Variants in NLRP2 observed in about 807,000 individuals in gnomAD.
NLRP2 encodes NACHT, LRR and PYD domains-containing protein 2.
Under a neutral mutation model 97.2 loss-of-function variants are expected in NLRP2, and 107 were observed. The ratio of observed to expected loss-of-function variants is 1.10; its 90% CI spans 0.94 to 1.29. The LOEUF is 1.29. Among genes scored for constraint, NLRP2 ranks in the 50% most tolerant of loss-of-function variants. NLRP2 has a pLI of 0.00. For missense variants in NLRP2, 1,495 were observed against 1,330.3 expected (o/e 1.12, Z -1.93); for synonymous variants, 663 against 551.5 (o/e 1.20, Z -2.83).
chr19:54,982,662 C>T lies in NLRP2; in HGVS notation c.964C>T (p.Leu322=), dbSNP rs139921503. Residue 322 remains leucine (L), a synonymous_variant, in exon 6 of 13, where the codon CTG becomes TTG. Coordinates refer to ENST00000448584, the MANE Select transcript of NLRP2 (RefSeq NM_017852.5). ...GGTGCCCGTCCTCCTGGGGAGTTTG[C>T]TGAACAGGGTGATGTTACCCAAGGC... ...KPVPVLLGSL[L]NRVMLPKAAL... 3 of 1,614,128 alleles carry T rather than the reference C, an allele frequency of 1.9e-6. No homozygotes were observed. The highest frequency in any genetic ancestry group is 3.3e-5 in the Admixed American group (2 of 60,016).
intron 3 of NLRP2, among the ~76,000 whole-genome samples, chr19:54,976,062 T>G (rs2071212065): frequency 6.6e-6 from 1 of 151,930 alleles, no homozygotes; most frequent in Admixed American, 6.6e-5. Flanking sequence ...AAGACTTTTT[T>G]TTTTTGGACA....
Position 54,997,357 on chromosome 19 carries a change from C to G in NLRP2, c.2920C>G (p.Leu974Val), listed in dbSNP as rs61735074. 4,097 of 1,614,090 alleles carry G rather than the reference C, an allele frequency of 2.5e-3. 96 individuals are homozygous for G. The African/African-American group carries it at 0.047, about 19-fold the overall frequency. Reference protein sequence around the residue: ...CSIPPFSCEDLCSALSCNQSL... With the variant: ...CSIPPFSCEDVCSALSCNQSL... ...CATCCCTCCGTTCAGTTGTGAAGAC[C>G]TCTGCTCTGCCCTCAGCTGCAACCA... The change falls in exon 12 of 13, where the codon CTC (leucine) becomes GTC (valine). Residue 974 changes from leucine to valine, a missense_variant. Physicochemically the swap from Leu to Val is conservative, Grantham distance 32. Coordinates refer to ENST00000448584, the MANE Select transcript of NLRP2 (RefSeq NM_017852.5).
Position 54,973,344 on chromosome 19 carries a change from G to GTTTTT in NLRP2, c.281-1141_281-1137dup, listed in dbSNP as rs10673643. ...TTCCTGTCTTTAACAATGGGTGAGG[G>GTTTTT]TTTTTTTTTTTTTTTTTTTGGTTTG... On this transcript the variant is annotated intron_variant, in intron 2 of 12. Transcript: ENST00000448584. Among the ~76,000 whole-genome samples, 327 of 92,444 alleles carry GTTTTT rather than the reference G, an allele frequency of 3.5e-3. 13 individuals carry two copies. Among genetic ancestry groups the GTTTTT allele is most frequent in the African/African-American group, 0.014 (302 of 22,182 alleles). The allele number at this position is 92,444 out of a possible 152,430, so 60.6% of individuals were successfully genotyped here. A position where few individuals can be genotyped will look rare whatever the true frequency, so the allele number is the denominator to read the frequency against.
At chr19:54,977,610 T>G in intron 3 of NLRP2, 142 bp from the exon 4 acceptor site, 1 of 812,094 alleles carries the variant, frequency 1.2e-6, no homozygotes. Context: ...GTACTTTCAC[T>G]TTTACATCCA....
rs375277933 is a variant in NLRP2 at position 54,990,458 on chromosome 19, AGTTGGACCTGTCAACCGTG to A, written c.2538-43_2538-25del. The A allele has an allele frequency of 1.8e-4, 289 of 1,602,364 alleles. No individual in the cohort carries two copies. The African/African-American group carries it at 3.4e-3, about 19-fold the overall frequency. ...TTGTGGAGCTAGCCGGGAAGGTTGA[AGTTGGACCTGTCAACCGTG>A]TTGCCATTTGTGATTCTTTTGTAGG... On this transcript the variant is annotated intron_variant, in intron 9 of 12. Coordinates refer to ENST00000448584, the MANE Select transcript of NLRP2 (RefSeq NM_017852.5).
intron 6 of NLRP2, 82 bp from the exon 7 acceptor site, chr19:54,984,965 G>T: frequency 7.6e-7 from 1 of 1,311,866 alleles, no homozygotes; most frequent in South Asian, 1.2e-5. Flanking sequence ...CATTTGTCAG[G>T]GGTATATGCC....
intron 5 of NLRP2, among the ~76,000 whole-genome samples, 158 bp downstream of exon 5, chr19:54,981,840 G>C (rs562241857): frequency 6.6e-6 from 1 of 151,976 alleles, no homozygotes; most frequent in South Asian, 2.1e-4. Flanking sequence ...GTGCCGTGGC[G>C]TGATCTCGAC....
At chr19:54,984,166 A>G (rs2071863900) in intron 6 of NLRP2, among the ~76,000 whole-genome samples, 1 of 151,632 alleles carries the variant, frequency 6.6e-6, no homozygotes, top group African/African-American at 2.4e-5. Context: ...TATTTTTTTA[A>G]GACAGGGTCT....
intron 1 of NLRP2, among the ~76,000 whole-genome samples, chr19:54,966,851 T>TC (rs2070467490): frequency 4.5e-5 from 5 of 111,932 alleles, no homozygotes; most frequent in East Asian, 5.4e-4. Flanking sequence ...TTTTTTTTTT[T>TC]CTTCTCTTTT....
intron 8 of NLRP2, among the ~76,000 whole-genome samples, chr19:54,988,540 A>G (rs984424632): frequency 6.6e-6 from 1 of 151,958 alleles, no homozygotes; most frequent in South Asian, 2.1e-4. Context: ...ACCTCGGGCA[A>G]TCCACCACAC....
chr19:54,970,668 G>A (rs557936026), intron 2 of NLRP2, among the ~76,000 whole-genome samples: 46 of 149,270 alleles, frequency 3.1e-4, no homozygotes, highest in Admixed American at 1.6e-3. Context: ...AAAAAAAAAA[G>A]AAATGGCATT....
At chr19:54,976,814 T>A (rs745878493) in intron 3 of NLRP2, 23 of 299,786 alleles carry the variant, frequency 7.7e-5, no homozygotes, top group Middle Eastern at 8.9e-4. Flanking sequence ...TTCTCTCTCT[T>A]TTTTTTTTTT....
At chr19:55,000,241 C>T (rs983239909) in intron 12 of NLRP2, among the ~76,000 whole-genome samples, 2 of 139,362 alleles carry the variant, frequency 1.4e-5, no homozygotes, top group African/African-American at 5.3e-5. Context: ...GGTACCACTG[C>T]ACTCCAGCTT....
Position 54,986,151 on chromosome 19 carries a change from G to A in NLRP2, c.2202G>A (p.Val734=), listed in dbSNP as rs777797058. 4 of 1,611,526 alleles carry A rather than the reference G, an allele frequency of 2.5e-6. No individual in the cohort carries two copies. Among genetic ancestry groups the A allele is most frequent in the South Asian group, 1.1e-5 (1 of 91,046 alleles). Reference sequence around the variant, plus strand: ...TTCACTTTCGTTCTCTTTTCCCTAGGTTCAAAAACATTTCCCCAGCTGATG... The same window carrying A: ...TTCACTTTCGTTCTCTTTTCCCTAGATTCAAAAACATTTCCCCAGCTGATG... ...ASDTCHLQRV[V]FKNISPADAH... Residue 734 remains valine, a splice_region_variant and synonymous_variant, in exon 8 of 13, where the codon GTG becomes GTA. Coordinates refer to ENST00000448584, the MANE Select transcript of NLRP2 (RefSeq NM_017852.5).
chr19:54,986,349 A>G lies in NLRP2; in HGVS notation c.2366+34A>G, dbSNP rs755367969. ...CTTAATCATTAAAATCCTTCATCAT[A>G]CAAACATAAGCTACCACAAGCTTAT... On this transcript the variant is annotated intron_variant, in intron 8 of 12. Coordinates refer to ENST00000448584, the MANE Select transcript of NLRP2 (RefSeq NM_017852.5). 1.9e-6 allele frequency: 3 copies of G among 1,593,924 alleles called. No individual in the cohort carries two copies. The African/African-American group carries it at 4.0e-5, about 21-fold the overall frequency.
rs1258330219 is a variant in NLRP2, at chr19:54,984,698, G to T, written c.2031-349G>T. ...GGGTTTCACCATGTTGGCCAGGCAG[G>T]TCTCGAACTCCCGACCTCAGGTGAT... On this transcript the variant is annotated intron_variant, in intron 6 of 12. Transcript: ENST00000448584. Among the ~76,000 whole-genome samples the T allele has an allele frequency of 4.0e-5, 6 of 151,312 alleles. No individual in the cohort carries two copies. In the Admixed American group the frequency reaches 4.0e-4, roughly 10 times the overall value.
intron 3 of NLRP2, chr19:54,976,759 T>C: frequency 2.3e-6 from 1 of 430,430 alleles, no homozygotes. Flanking sequence ...ACCTCTTCAT[T>C]ATCCAGGGTT....
chr19:54,973,877 C>A, intron 2 of NLRP2: 1 of 658,492 alleles, frequency 1.5e-6, no homozygotes, highest in Non-Finnish European at 2.9e-6. Context: ...GCACCACCCC[C>A]ACAAAGTGAC....
Position 54,986,178 on chromosome 19 carries a change from T to C in NLRP2, c.2229T>C (p.Ala743=). The C allele has an allele frequency of 6.2e-7, 1 of 1,613,744 alleles. No individual in the cohort carries two copies. The highest frequency in any genetic ancestry group is 8.5e-7 in the Non-Finnish European group (1 of 1,179,646). Residue 743 remains alanine, a synonymous_variant, in exon 8 of 13, where the codon GCT becomes GCC. Transcript: ENST00000448584. ...VVFKNISPAD[A]HRNLCLALRG... is the part of the protein sequence containing the mutation. Reference sequence around the variant, plus strand: ...TCAAAAACATTTCCCCAGCTGATGCTCATCGGAACCTCTGCCTAGCTCTTC... The same window carrying C: ...TCAAAAACATTTCCCCAGCTGATGCCCATCGGAACCTCTGCCTAGCTCTTC...
Sources: allele counts gnomAD v4.1 joint callset (sites outside exome capture counted in the v4.1 genomes callset), GRCh38; gene constraint gnomAD v4.1.1; transcripts MANE v1.5; gene names NCBI Gene and HGNC (gene_info 2026-07-23, HGNC 2026-07-21).